Variants in HTR7 observed in about 807,000 individuals in gnomAD.
HTR7 encodes 5-HT-7.
In HTR7, 16 loss-of-function variants were observed where a neutral mutation model predicts 34.0. The ratio of observed to expected loss-of-function variants is 0.47; its 90% CI spans 0.32 to 0.71. The LOEUF (loss-of-function observed/expected upper bound fraction) is 0.71, where lower values mean the gene tolerates loss of function less well. Ranked by LOEUF, HTR7 falls within the 30% of genes least tolerant of loss-of-function variation. The pLI, the probability that HTR7 is intolerant of heterozygous loss-of-function variation, is 0.04. For missense variants in HTR7, 504 were observed against 625.5 expected (o/e 0.81, Z 2.07); for synonymous variants, 265 against 260.2 (o/e 1.02, Z -0.18).
intron 1 of HTR7, among the ~76,000 whole-genome samples, chr10:90,812,295 C>T (rs1380590783): frequency 6.6e-6 from 1 of 152,108 alleles, no homozygotes; most frequent in African/African-American, 2.4e-5. Flanking sequence ...CTCAGCTACT[C>T]ATACATGCCC....
intron 1 of HTR7, among the ~76,000 whole-genome samples, chr10:90,787,475 G>A (rs930501215): frequency 1.3e-5 from 2 of 151,904 alleles, no homozygotes; most frequent in Non-Finnish European, 2.9e-5. Flanking sequence ...CTGGGTTATG[G>A]AGCAAGACTC....
At chr10:90,790,815 G>C (rs1018590312) in intron 1 of HTR7, among the ~76,000 whole-genome samples, 2 of 152,198 alleles carry the variant, frequency 1.3e-5, no homozygotes, top group African/African-American at 4.8e-5. Flanking sequence ...GAGAGAGAGA[G>C]AGAAAGGGAG....
At chr10:90,748,301 T>G (rs1240308582) in intron 2 of HTR7, among the ~76,000 whole-genome samples, 3 of 152,130 alleles carry the variant, frequency 2.0e-5, no homozygotes, top group African/African-American at 7.2e-5. Context: ...TGTCCGGCTC[T>G]TGTAGCTTTT....
intron 1 of HTR7, among the ~76,000 whole-genome samples, chr10:90,814,324 T>C (rs1845864747): frequency 6.6e-6 from 1 of 152,214 alleles, no homozygotes; most frequent in Non-Finnish European, 1.5e-5. Context: ...GCCCATTACC[T>C]AGTTCATGAT....
chr10:90,850,631 TAAC>T (rs1846482981), intron 1 of HTR7, among the ~76,000 whole-genome samples: 1 of 152,038 alleles, frequency 6.6e-6, no homozygotes. Flanking sequence ...CTAAAAAATA[TAAC>T]AAGATGAAGA....
chr10:90,826,058 T>C (rs986363743), intron 1 of HTR7, among the ~76,000 whole-genome samples: 1 of 152,060 alleles, frequency 6.6e-6, no homozygotes, highest in Non-Finnish European at 1.5e-5. Flanking sequence ...TCAAAGCATT[T>C]AATAAACTCC....
At chr10:90,824,429 G>A (rs1210128285) in intron 1 of HTR7, among the ~76,000 whole-genome samples, 2 of 152,236 alleles carry the variant, frequency 1.3e-5, no homozygotes, top group Non-Finnish European at 2.9e-5. Context: ...CTGGCTTCAG[G>A]TGTGACCCAG....
chr10:90,770,424 T>C (rs1245963025), intron 1 of HTR7, among the ~76,000 whole-genome samples: 1 of 152,070 alleles, frequency 6.6e-6, no homozygotes. Context: ...GCAGGCTCCA[T>C]GGAGAGGGCG....
intron 1 of HTR7, among the ~76,000 whole-genome samples, chr10:90,853,285 TTC>T (rs1491016799): frequency 1.2e-3 from 162 of 134,882 alleles, no homozygotes; most frequent in East Asian, 2.4e-3. Flanking sequence ...TCTTTTTTTT[TTC>T]TTTTTTTTTT....
intron 1 of HTR7, among the ~76,000 whole-genome samples, chr10:90,846,868 C>T (rs1846419663): frequency 6.6e-6 from 1 of 152,140 alleles, no homozygotes. Flanking sequence ...GGGTAGGCAA[C>T]CAGCAGTATC....
At chr10:90,828,312 T>A (rs1424378992) in intron 1 of HTR7, among the ~76,000 whole-genome samples, 1 of 151,756 alleles carries the variant, frequency 6.6e-6, no homozygotes, top group Non-Finnish European at 1.5e-5. Context: ...AACTGGAAAA[T>A]CAAGAGCAAA....
At chr10:90,815,944 C>T (rs1383569410) in intron 1 of HTR7, among the ~76,000 whole-genome samples, 1 of 152,214 alleles carries the variant, frequency 6.6e-6, no homozygotes, top group South Asian at 2.1e-4. Context: ...GGAGCATTTA[C>T]TGCCTTGCTA....
At chr10:90,841,410 G>A (rs1405125053) in intron 1 of HTR7, among the ~76,000 whole-genome samples, 9 of 152,232 alleles carry the variant, frequency 5.9e-5, no homozygotes, top group Admixed American at 5.2e-4. Context: ...GAAGTCAAAT[G>A]TGGGTCCCTG....
chr10:90,822,688 G>A (rs995614591), intron 1 of HTR7, among the ~76,000 whole-genome samples: 1 of 152,180 alleles, frequency 6.6e-6, no homozygotes, highest in Non-Finnish European at 1.5e-5. Context: ...ATGCCCCTAG[G>A]GCATTTCAGA....
chr10:90,756,678 G>C (rs1453063568), intron 1 of HTR7, among the ~76,000 whole-genome samples: 1 of 152,050 alleles, frequency 6.6e-6, no homozygotes, highest in African/African-American at 2.4e-5. Flanking sequence ...ACAAAAAAGA[G>C]AGTTTCCCTT....
intron 1 of HTR7, among the ~76,000 whole-genome samples, chr10:90,761,846 G>A (rs994801034): frequency 6.6e-6 from 1 of 152,054 alleles, no homozygotes; most frequent in Admixed American, 6.6e-5. Context: ...TTCTGAGTTT[G>A]ACTTTTTAGA....
chr10:90,840,107 A>C lies in HTR7; in HGVS notation c.539+17026T>G, dbSNP rs545393932. On this transcript the variant is annotated intron_variant, in intron 1 of 3. Coordinates refer to ENST00000336152, the MANE Select transcript of HTR7 (RefSeq NM_019859.4). ...ATCTTCTCTAACTTGGTTTGCATGCAATCATCTTTTCCTCTCTCCTCTCCA... is the reference window on the plus strand; with the variant it reads ...ATCTTCTCTAACTTGGTTTGCATGCCATCATCTTTTCCTCTCTCCTCTCCA... Among the ~76,000 whole-genome samples, 20 of 150,754 alleles carry C rather than the reference A, an allele frequency of 1.3e-4. No individual in the cohort carries two copies. In the East Asian group the frequency reaches 2.5e-3, roughly 19 times the overall value.
chr10:90,776,203 T>C (rs1845207155), intron 1 of HTR7, among the ~76,000 whole-genome samples: 1 of 152,178 alleles, frequency 6.6e-6, no homozygotes, highest in East Asian at 1.9e-4. Context: ...GTTCCCCCAG[T>C]CTGTTCTCAG....
intron 1 of HTR7, among the ~76,000 whole-genome samples, chr10:90,850,343 A>G (rs1846479486): frequency 6.6e-6 from 1 of 152,254 alleles, no homozygotes; most frequent in Non-Finnish European, 1.5e-5. Context: ...GCAGAGCTCT[A>G]ACAGAACTAA....
Sources: allele counts gnomAD v4.1 joint callset (sites outside exome capture counted in the v4.1 genomes callset), GRCh38; gene constraint gnomAD v4.1.1; transcripts MANE v1.5; gene names NCBI Gene and HGNC (gene_info 2026-07-23, HGNC 2026-07-21).